Variants in TOX observed in about 807,000 individuals in gnomAD.
TOX encodes thymocyte selection associated high mobility group box, also known as thymocyte selection-associated high mobility group box protein TOX.
Under a neutral mutation model 53.7 loss-of-function variants are expected in TOX, and 11 were observed. The ratio of observed to expected loss-of-function variants is 0.20; its 90% CI spans 0.13 to 0.34. The LOEUF (loss-of-function observed/expected upper bound fraction) is 0.34, where lower values mean the gene tolerates loss of function less well. TOX is among the 10% of genes least tolerant of loss of function. The pLI, the probability that TOX is intolerant of heterozygous loss-of-function variation, is 1.00. For missense variants in TOX, 570 were observed against 664.6 expected (o/e 0.86, Z 1.56); for synonymous variants, 225 against 245.3 (o/e 0.92, Z 0.77).
At chr8:58,884,748 T>G (rs1301276048) in intron 3 of TOX, among the ~76,000 whole-genome samples, 1 of 152,174 alleles carries the variant, frequency 6.6e-6, no homozygotes, top group Non-Finnish European at 1.5e-5. Context: ...TTTTTAACTT[T>G]GGTTATTCCA....
intron 1 of TOX, among the ~76,000 whole-genome samples, chr8:59,007,701 T>C (rs78182718): frequency 0.019 from 2,856 of 152,290 alleles, 105 homozygotes; most frequent in African/African-American, 0.065. Context: ...TAAATAAAAG[T>C]AGTGTTTGGC....
chr8:58,980,323 G>C (rs1386479963), intron 1 of TOX, among the ~76,000 whole-genome samples: 2 of 152,122 alleles, frequency 1.3e-5, no homozygotes, highest in African/African-American at 4.8e-5. Flanking sequence ...CTCATCAGCT[G>C]TCTCCTGGGA....
intron 6 of TOX, among the ~76,000 whole-genome samples, chr8:58,825,194 A>AT (rs1440088466): frequency 5.9e-5 from 9 of 151,996 alleles, no homozygotes; most frequent in Admixed American, 2.0e-4. Flanking sequence ...TTGGAGGGTC[A>AT]TTTTTTTTAA....
intron 6 of TOX, among the ~76,000 whole-genome samples, chr8:58,820,530 C>T (rs1810256760): frequency 6.6e-6 from 1 of 152,184 alleles, no homozygotes; most frequent in Non-Finnish European, 1.5e-5. Context: ...TACTGGAATT[C>T]TCTTCAGAGC....
At chr8:58,951,805 GT>G (rs1474540618) in intron 2 of TOX, among the ~76,000 whole-genome samples, 2 of 152,184 alleles carry the variant, frequency 1.3e-5, no homozygotes, top group Non-Finnish European at 2.9e-5. Flanking sequence ...GAAGTCACTT[GT>G]TTGGCTTTGC....
chr8:58,882,107 G>T (rs865825379), intron 3 of TOX, among the ~76,000 whole-genome samples: 3 of 152,170 alleles, frequency 2.0e-5, no homozygotes, highest in Admixed American at 1.3e-4. Context: ...AGCCATTTCA[G>T]GAAACTGCAG....
rs137925172 is a variant in TOX, at chr8:58,989,210, G to C, written c.103-29202C>G. On this transcript the variant is annotated intron_variant, in intron 1 of 8. Coordinates refer to ENST00000361421, the MANE Select transcript of TOX (RefSeq NM_014729.3). ...ATGCACCTGTAATCCCAGCTACTTGGGAGGCTGAGGCAGGAGAATCGCTTG... is the reference window on the plus strand; with the variant it reads ...ATGCACCTGTAATCCCAGCTACTTGCGAGGCTGAGGCAGGAGAATCGCTTG... Among the ~76,000 whole-genome samples, 1,026 of 152,204 alleles carry C rather than the reference G, an allele frequency of 6.7e-3. 10 individuals carry two copies. The highest frequency in any genetic ancestry group is 0.024 in the African/African-American group (976 of 41,516).
At chr8:59,100,366 T>G (rs1804786050) in intron 1 of TOX, among the ~76,000 whole-genome samples, 1 of 152,140 alleles carries the variant, frequency 6.6e-6, no homozygotes, top group Non-Finnish European at 1.5e-5. Flanking sequence ...CTATTTGTGG[T>G]GTTCTGAATT....
rs1006759584 is a variant in TOX at position 59,118,738 on chromosome 8, C to G, written c.102+148G>C. 4.5e-6 allele frequency: 2 copies of G among 447,292 alleles called. No individual in the cohort carries two copies. Among genetic ancestry groups the G allele is most frequent in the South Asian group, 6.1e-5 (1 of 16,292 alleles). 27.7% of individuals were successfully genotyped at this position (447,292 alleles called of 1,614,324 possible). ...GAGCTACTCCACAATATTTACTACCCAAGCGCACGCAGGCTGCAGCGGGCT... is the reference window on the plus strand; with the variant it reads ...GAGCTACTCCACAATATTTACTACCGAAGCGCACGCAGGCTGCAGCGGGCT... On this transcript the variant is annotated intron_variant, in intron 1 of 8. Coordinates refer to ENST00000361421, the MANE Select transcript of TOX (RefSeq NM_014729.3). This position sits in a 1 kb window ranked among gnomAD's most constrained non-coding sequence, Gnocchi z 4.1.
In TOX at chr8:59,078,840, G is replaced by A. The variant is rs182511856; in HGVS notation, c.102+40046C>T. Among the ~76,000 whole-genome samples, 4 of 152,326 alleles carry A rather than the reference G, an allele frequency of 2.6e-5. No individual in the cohort carries two copies. In the East Asian group the frequency reaches 7.7e-4, roughly 29 times the overall value. On this transcript the variant is annotated intron_variant, in intron 1 of 8. Coordinates refer to ENST00000361421, the MANE Select transcript of TOX (RefSeq NM_014729.3). ...ATAACTTCTTAAAGATTGATTAAAT[G>A]TTTGTGACCAAAATGCTGACGGAGA...
At position 59,021,865 on chromosome 8, in the gene TOX, G is replaced by A. The variant is rs1308436669; in HGVS notation, c.103-61857C>T. On this transcript the variant is annotated intron_variant, in intron 1 of 8. Coordinates refer to ENST00000361421, the MANE Select transcript of TOX (RefSeq NM_014729.3). ...AACTTTCTATTAAATTTTATTAGGTGATAAAAGCTACAATATTTCCTTGTG... is the reference window on the plus strand; with the variant it reads ...AACTTTCTATTAAATTTTATTAGGTAATAAAAGCTACAATATTTCCTTGTG... Among the ~76,000 whole-genome samples the A allele has an allele frequency of 2.0e-5, 3 of 152,008 alleles. No individual in the cohort carries two copies. In the East Asian group the frequency reaches 5.8e-4, roughly 29 times the overall value.
chr8:59,072,678 A>G (rs1804218753), intron 1 of TOX, among the ~76,000 whole-genome samples: 1 of 152,192 alleles, frequency 6.6e-6, no homozygotes, highest in African/African-American at 2.4e-5. Context: ...GTGGTATCTT[A>G]CATTTGGAAA....
rs1810448948 is a variant in TOX, at chr8:58,831,265, G to A, written c.925-4363C>T. On this transcript the variant is annotated intron_variant, in intron 5 of 8. Transcript: ENST00000361421. ...ATACATATCTGTTGATTTATTAAAT[G>A]AAGGTCACTAAGGAAAGTATGATGC... 2.0e-5 allele frequency among the ~76,000 whole-genome samples: 3 copies of A among 152,230 alleles called. 1 individual carries two copies. The highest frequency in any genetic ancestry group is 2.0e-4 in the Admixed American group (3 of 15,296).
intron 1 of TOX, among the ~76,000 whole-genome samples, chr8:59,031,037 T>TG (rs35913913): frequency 4.6e-5 from 7 of 152,186 alleles, no homozygotes; most frequent in Admixed American, 1.3e-4. Flanking sequence ...AAAAAATTAT[T>TG]GGGGGTACAA....
chr8:58,988,320 C>T (rs1813372796), intron 1 of TOX, among the ~76,000 whole-genome samples: 1 of 152,222 alleles, frequency 6.6e-6, no homozygotes, highest in Non-Finnish European at 1.5e-5. Flanking sequence ...ATCTGGTCTG[C>T]TGTCTGCTTT....
intron 1 of TOX, among the ~76,000 whole-genome samples, chr8:58,969,057 C>T (rs1416593461): frequency 2.0e-5 from 3 of 152,164 alleles, no homozygotes; most frequent in Non-Finnish European, 4.4e-5. Context: ...ATTATTATTA[C>T]TCAGACAAAT....
At chr8:58,841,951 T>C (rs959192186) in intron 4 of TOX, among the ~76,000 whole-genome samples, 1 of 152,232 alleles carries the variant, frequency 6.6e-6, no homozygotes, top group Non-Finnish European at 1.5e-5. Context: ...ATCTGACACA[T>C]TGAAATCTCC....
chr8:58,990,660 G>A (rs1813425050), intron 1 of TOX, among the ~76,000 whole-genome samples: 2 of 152,150 alleles, frequency 1.3e-5, no homozygotes, highest in African/African-American at 4.8e-5. Context: ...AGAGGGTTGG[G>A]ATGAGGGAGT....
intron 1 of TOX, among the ~76,000 whole-genome samples, chr8:59,100,385 A>G (rs935748521): frequency 7.9e-5 from 12 of 152,202 alleles, no homozygotes; most frequent in African/African-American, 2.4e-4. Flanking sequence ...TTTAAACACA[A>G]CCTGCTAAGA....
Sources: allele counts gnomAD v4.1 joint callset (sites outside exome capture counted in the v4.1 genomes callset), GRCh38; gene constraint gnomAD v4.1.1; non-coding constraint Gnocchi (gnomAD v3.1); transcripts MANE v1.5; gene names NCBI Gene and HGNC (gene_info 2026-07-23, HGNC 2026-07-21).